Variants in SNX15 observed in about 807,000 individuals in gnomAD.
SNX15 encodes the protein sorting nexin 15.
A neutral mutation model predicts 35.2 loss-of-function variants in SNX15; 29 were observed. The ratio of observed to expected loss-of-function variants is 0.82; its 90% CI spans 0.61 to 1.12. The LOEUF is 1.12. SNX15 is among the 50% of genes most tolerant of loss of function. The pLI is 0.00. For missense variants in SNX15, 400 were observed against 451.5 expected (o/e 0.89, Z 1.03); for synonymous variants, 189 against 188.2 (o/e 1.00, Z -0.03).
At chr11:65,038,292 G>C in intron 6 of SNX15, 1 of 1,135,904 alleles carries the variant, frequency 8.8e-7, no homozygotes. Context: ...GGAGTCAAGA[G>C]GGAAATAGGA....
chr11:65,038,506 G>A (rs1946528824), intron 6 of SNX15, 66 bp from the exon 7 acceptor site: 2 of 1,493,968 alleles, frequency 1.3e-6, no homozygotes, highest in Admixed American at 4.9e-5. Context: ...AGAAGTCTTG[G>A]GGTTGGGCAG....
chr11:65,030,094 C>A (rs558182809), intron 1 of SNX15, among the ~76,000 whole-genome samples: 15 of 152,120 alleles, frequency 9.9e-5, no homozygotes, highest in African/African-American at 3.4e-4. Flanking sequence ...TGGTGGCGCA[C>A]GCCTGTAATC....
intron 3 of SNX15, among the ~76,000 whole-genome samples, chr11:65,033,107 C>T (rs1946459268): frequency 6.6e-6 from 1 of 152,170 alleles, no homozygotes; most frequent in Non-Finnish European, 1.5e-5. Context: ...AACTCCTGAC[C>T]TCAGCTGACC....
intron 7 of SNX15, 46 bp from the exon 8 acceptor site, chr11:65,039,640 G>T (rs1318893150): frequency 3.7e-6 from 5 of 1,336,042 alleles, no homozygotes; most frequent in Non-Finnish European, 5.3e-6. Context: ...GTTCTGACCA[G>T]GCCAGTGGTG....
chr11:65,027,735 G>A (rs1367184790), intron 1 of SNX15, 99 bp downstream of exon 1: 1 of 864,852 alleles, frequency 1.2e-6, no homozygotes, highest in South Asian at 1.4e-5. Flanking sequence ...CTTTTTAGAC[G>A]ACAGAAATGG....
At chr11:65,033,373 T>A (rs1946462707) in intron 3 of SNX15, among the ~76,000 whole-genome samples, 1 of 151,756 alleles carries the variant, frequency 6.6e-6, no homozygotes, top group South Asian at 2.1e-4. Flanking sequence ...TGAAACCCCG[T>A]CCCTACTAAA....
intron 6 of SNX15, 69 bp from the exon 7 acceptor site, chr11:65,038,503 T>C: frequency 6.7e-7 from 1 of 1,491,156 alleles, no homozygotes; most frequent in South Asian, 1.4e-5. Context: ...AAAAGAAGTC[T>C]TGGGGTTGGG....
intron 5 of SNX15, 94 bp from the exon 6 acceptor site, chr11:65,035,426 A>G (rs771473555): frequency 7.2e-7 from 1 of 1,398,048 alleles, no homozygotes; most frequent in Non-Finnish European, 9.7e-7. Context: ...GTCTATGCCC[A>G]TGGTTGCTGC....
Position 65,035,224 on chromosome 11 carries a change from G to C in SNX15, c.520+18G>C. 5 of 1,555,494 alleles carry C rather than the reference G, an allele frequency of 3.2e-6. No individual in the cohort carries two copies. Among genetic ancestry groups the C allele is most frequent in the Non-Finnish European group, 4.3e-6 (5 of 1,155,930 alleles). On this transcript the variant is annotated intron_variant, in intron 5 of 7. Coordinates refer to ENST00000377244, the MANE Select transcript of SNX15 (RefSeq NM_013306.5). ...GGTGCCAGGTACATCGGGGTGGGAG[G>C]AGGGAACCAGGGCTGGAGGGTGCAG...
rs528162852 is a variant in SNX15, at chr11:65,038,973, C to T, written c.922+144C>T. The T allele has an allele frequency of 2.5e-5, 12 of 484,870 alleles. No homozygotes were observed. In the South Asian group the frequency reaches 8.0e-4, roughly 32 times the overall value. 30.0% of individuals were successfully genotyped at this position (484,870 alleles called of 1,614,324 possible). ...GTGTAACCTGGGCAGATTTTTGTTT[C>T]TGTTTTTTTGTTGTTGTTGTTTTTA... On this transcript the variant is annotated intron_variant, in intron 7 of 7. Coordinates refer to ENST00000377244, the MANE Select transcript of SNX15 (RefSeq NM_013306.5).
intron 1 of SNX15, 123 bp downstream of exon 1, chr11:65,027,759 G>A (rs1946390671): frequency 2.7e-6 from 2 of 729,266 alleles, no homozygotes; most frequent in East Asian, 2.7e-5. Context: ...TCCCCTTTAA[G>A]GGGAGGTTGC....
intron 7 of SNX15, 114 bp downstream of exon 7, chr11:65,038,943 C>A: frequency 1.2e-6 from 1 of 823,304 alleles, no homozygotes; most frequent in Non-Finnish European, 1.7e-6. Context: ...CCTCACTGAC[C>A]AGCTGTGTAA....
intron 1 of SNX15, 29 bp from the exon 2 acceptor site, chr11:65,032,139 C>A: frequency 6.2e-7 from 1 of 1,613,030 alleles, no homozygotes; most frequent in South Asian, 1.1e-5. Flanking sequence ...AGTCTCTGGT[C>A]TCAACCAGCT....
At position 65,038,842 on chromosome 11, in the gene SNX15, T is replaced by A; in HGVS notation, c.922+13T>A. 6.4e-7 allele frequency: 1 copy of A among 1,553,140 alleles called. No individual in the cohort carries two copies. ...CAGGGAGTCCCCAGTGAGTAGGGAC[T>A]GAGGGTGGAGGGTCAGGCCTGGGTC... On this transcript the variant is annotated intron_variant, in intron 7 of 7. Transcript: ENST00000377244.
chr11:65,028,531 A>G lies in SNX15; in HGVS notation c.99+895A>G, dbSNP rs977784439. Among the ~76,000 whole-genome samples, 184 of 152,250 alleles carry G rather than the reference A, an allele frequency of 1.2e-3. 2 individuals carry two copies. The highest frequency in any genetic ancestry group is 1.3e-4 in the Non-Finnish European group (9 of 68,014). On this transcript the variant is annotated intron_variant, in intron 1 of 7. Coordinates refer to ENST00000377244, the MANE Select transcript of SNX15 (RefSeq NM_013306.5). ...TTACGTCTTTTCCATGCCTAAAAAT[A>G]ATGCAAATAAGGCCGGGCTCAGTGG...
At chr11:65,033,039 C>A (rs528721964) in intron 3 of SNX15, among the ~76,000 whole-genome samples, 2 of 152,060 alleles carry the variant, frequency 1.3e-5, no homozygotes, top group Middle Eastern at 3.4e-3. Context: ...CCACGCCTGG[C>A]TAATTTTTGT....
At chr11:65,033,355 C>T (rs1289238235) in intron 3 of SNX15, among the ~76,000 whole-genome samples, 1 of 151,848 alleles carries the variant, frequency 6.6e-6, no homozygotes, top group Non-Finnish European at 1.5e-5. Flanking sequence ...CCAGCCTGGC[C>T]AACGTGGTGA....
chr11:65,035,617 C>G lies in SNX15; in HGVS notation c.618C>G (p.Pro206=), dbSNP rs779907401. 6.2e-7 allele frequency: 1 copy of G among 1,613,862 alleles called. No individual in the cohort carries two copies. ...EEASGSPARG[P]LTEAELALFD... is the part of the protein sequence containing the mutation. ...CATCTGGTTCCCCTGCCCGAGGCCC[C>G]CTCACCGAGGCTGAGCTTGCCCTCT... The change falls in exon 6 of 8, where the codon CCC becomes CCG. Residue 206 remains proline (P), a synonymous_variant. Coordinates refer to ENST00000377244, the MANE Select transcript of SNX15 (RefSeq NM_013306.5).
In SNX15 at chr11:65,035,527, C is replaced by G. The variant is rs1293455510; in HGVS notation, c.528C>G (p.Pro176=). ...GLEELEVPVD[P]PPSSPAQEAL... ...CACTTATCTCTTCCTCAGTGGACCC[C>G]CCACCATCCAGCCCTGCCCAGGAGG... is the stretch of plus-strand genomic sequence containing the variant. The change falls in exon 6 of 8, where the codon CCC becomes CCG. Residue 176 remains proline (P), a synonymous_variant. Coordinates refer to ENST00000377244, the MANE Select transcript of SNX15 (RefSeq NM_013306.5). 1.3e-6 allele frequency: 2 copies of G among 1,594,084 alleles called. No homozygotes were observed. Among genetic ancestry groups the G allele is most frequent in the Admixed American group, 1.8e-5 (1 of 54,120 alleles).
Sources: allele counts gnomAD v4.1 joint callset (sites outside exome capture counted in the v4.1 genomes callset), GRCh38; gene constraint gnomAD v4.1.1; transcripts MANE v1.5; gene names NCBI Gene and HGNC (gene_info 2026-07-23, HGNC 2026-07-21).